The following SORCS2 variants were observed in gnomAD, a reference collection of about 807,000 sequenced individuals.
SORCS2 encodes the protein sortilin related VPS10 domain containing receptor 2.
SORCS2 carries 100 observed loss-of-function variants against 141.6 expected under a neutral mutation model. That is an observed-to-expected ratio of 0.71 (90% CI 0.60 to 0.83). The LOEUF is 0.83. SORCS2 is among the 40% of genes least tolerant of loss of function. The pLI, the probability that SORCS2 is intolerant of heterozygous loss-of-function variation, is 0.00. For synonymous variants in SORCS2, 789 were observed against 676.9 expected, an observed-to-expected ratio of 1.17 and a Z score of -2.57; for missense variants, 1,646 against 1,560.2, an observed-to-expected ratio of 1.05 and a Z score of -0.93.
chr4:7,288,897 T>C (rs1025700624), intron 1 of SORCS2, among the ~76,000 whole-genome samples: 1 of 151,928 alleles, frequency 6.6e-6, no homozygotes, highest in African/African-American at 2.4e-5. Context: ...CCAGGAAGCC[T>C]TCCTGTCTCT....
intron 3 of SORCS2, among the ~76,000 whole-genome samples, chr4:7,584,972 CTTG>C (rs1033777017): frequency 1.2e-4 from 18 of 152,254 alleles, no homozygotes; most frequent in East Asian, 1.9e-4. Flanking sequence ...ATGTGAATCT[CTTG>C]TTGTGATTCC....
At chr4:7,462,405 A>G (rs1222802534) in intron 2 of SORCS2, among the ~76,000 whole-genome samples, 1 of 152,196 alleles carries the variant, frequency 6.6e-6, no homozygotes, top group African/African-American at 2.4e-5. Flanking sequence ...TGGGAGTGGG[A>G]CTAAGAACTT....
At chr4:7,325,399 T>TAGTG (rs1553841325) in intron 1 of SORCS2, among the ~76,000 whole-genome samples, 1 of 151,728 alleles carries the variant, frequency 6.6e-6, no homozygotes, top group African/African-American at 2.4e-5. Flanking sequence ...CCCTAGGAAA[T>TAGTG]AATGAATGAA....
At chr4:7,677,186 C>T (rs920806411) in intron 9 of SORCS2, among the ~76,000 whole-genome samples, 1 of 152,174 alleles carries the variant, frequency 6.6e-6, no homozygotes, top group Non-Finnish European at 1.5e-5. Context: ...AGATGGGAGC[C>T]TTCCTCGCTG....
At chr4:7,361,148 C>T (rs186043892) in intron 1 of SORCS2, among the ~76,000 whole-genome samples, 42 of 152,308 alleles carry the variant, frequency 2.8e-4, no homozygotes, top group East Asian at 1.4e-3. Flanking sequence ...TCAGTAGCTT[C>T]GTTATTTAGT....
At chr4:7,634,189 C>T (rs1354664106) in intron 3 of SORCS2, among the ~76,000 whole-genome samples, 3 of 152,038 alleles carry the variant, frequency 2.0e-5, no homozygotes, top group African/African-American at 7.2e-5. Context: ...GTCTGGCCAA[C>T]ATGGTGAAAC....
At chr4:7,619,730 T>C (rs1321858051) in intron 3 of SORCS2, among the ~76,000 whole-genome samples, 2 of 152,118 alleles carry the variant, frequency 1.3e-5, no homozygotes, top group African/African-American at 4.8e-5. Flanking sequence ...TCAAGGAGGC[T>C]CGGAGGCTCT....
intron 2 of SORCS2, among the ~76,000 whole-genome samples, chr4:7,496,465 GTCCCCCGTCCCC>G (rs1731633523): frequency 2.4e-5 from 2 of 83,666 alleles, no homozygotes; most frequent in Non-Finnish European, 4.3e-5. Context: ...CCCGTCCCCC[GTCCCCCGTCCCC>G]CATCCCCCAT....
intron 3 of SORCS2, among the ~76,000 whole-genome samples, chr4:7,550,651 C>G (rs558029864): frequency 2.0e-5 from 3 of 152,178 alleles, no homozygotes; most frequent in Non-Finnish European, 4.4e-5. Context: ...GTCTGCCCAC[C>G]CTGTGTCTCT....
chr4:7,392,524 T>C (rs1434578655), intron 1 of SORCS2, among the ~76,000 whole-genome samples: 3 of 151,474 alleles, frequency 2.0e-5, no homozygotes, highest in Non-Finnish European at 4.4e-5. Context: ...CTCACGGGGG[T>C]TTAGGGGTGG....
chr4:7,638,949 T>C (rs1386838640), intron 4 of SORCS2, among the ~76,000 whole-genome samples: 1 of 152,128 alleles, frequency 6.6e-6, no homozygotes, highest in Admixed American at 6.5e-5. Flanking sequence ...CAGATCAGCA[T>C]CTCCTCCTCT....
intron 1 of SORCS2, among the ~76,000 whole-genome samples, chr4:7,389,972 C>T (rs139135361): frequency 8.5e-5 from 13 of 152,214 alleles, no homozygotes; most frequent in South Asian, 2.1e-4. Flanking sequence ...ATGTGAGCGA[C>T]GAAATGAAGC....
intron 24 of SORCS2, 87 bp from the exon 25 acceptor site, chr4:7,734,185 C>T (rs1284374589): frequency 1.3e-4 from 62 of 486,034 alleles, no homozygotes; most frequent in East Asian, 8.9e-4. Context: ...AGGCTGGGGA[C>T]GGGTGGGGGA....
At chr4:7,724,103 A>G (rs982866601) in intron 19 of SORCS2, among the ~76,000 whole-genome samples, 12 of 142,072 alleles carry the variant, frequency 8.4e-5, no homozygotes, top group African/African-American at 3.1e-4. Flanking sequence ...GATATTGATG[A>G]TAGTGGTGGT....
intron 1 of SORCS2, among the ~76,000 whole-genome samples, chr4:7,206,694 C>T (rs948214103): frequency 1.3e-5 from 2 of 152,198 alleles, no homozygotes; most frequent in Non-Finnish European, 2.9e-5. Flanking sequence ...GTCCTGGTGA[C>T]ACCCACGCCT....
intron 1 of SORCS2, among the ~76,000 whole-genome samples, chr4:7,325,832 T>C (rs1284901516): frequency 6.6e-6 from 1 of 152,088 alleles, no homozygotes; most frequent in East Asian, 1.9e-4. Context: ...TACCATCCTC[T>C]AAGCATCTGT....
intron 2 of SORCS2, among the ~76,000 whole-genome samples, chr4:7,460,788 G>A (rs546577529): frequency 3.7e-4 from 57 of 152,244 alleles, no homozygotes; most frequent in Non-Finnish European, 7.5e-4. Flanking sequence ...CAGCGGTCAC[G>A]TGACAGCTCG....
intron 18 of SORCS2, 77 bp from the exon 19 acceptor site, chr4:7,723,620 T>TGA: frequency 6.7e-7 from 1 of 1,483,070 alleles, no homozygotes; most frequent in Non-Finnish European, 9.4e-7. Flanking sequence ...AGTGAGTGAG[T>TGA]GAGTGAGTGA....
intron 2 of SORCS2, among the ~76,000 whole-genome samples, chr4:7,489,324 C>A (rs1731181412): frequency 6.6e-6 from 1 of 152,228 alleles, no homozygotes; most frequent in Non-Finnish European, 1.5e-5. Flanking sequence ...CCTAAACCCA[C>A]TTCCTAATTT....
Sources: allele counts gnomAD v4.1 joint callset (sites outside exome capture counted in the v4.1 genomes callset), GRCh38; gene constraint gnomAD v4.1.1; transcripts MANE v1.5; gene names NCBI Gene and HGNC (gene_info 2026-07-23, HGNC 2026-07-21).